The following OPCML variants were observed in gnomAD, a reference collection of about 807,000 sequenced individuals.
The protein encoded by OPCML is opioid-binding protein/cell adhesion molecule.
A neutral mutation model predicts 37.8 loss-of-function variants in OPCML; 13 were observed. The observed-to-expected ratio is 0.34, with a 90% CI of 0.22 to 0.55. OPCML has a LOEUF of 0.55. OPCML is among the 20% of genes least tolerant of loss of function. OPCML has a pLI of 0.91. For synonymous variants in OPCML, 176 were observed against 168.8 expected, an observed-to-expected ratio of 1.04 and a Z score of -0.33; for missense variants, 341 against 435.6, an observed-to-expected ratio of 0.78 and a Z score of 1.93.
intron 1 of OPCML, among the ~76,000 whole-genome samples, chr11:133,209,453 C>T (rs1351205042): frequency 6.6e-6 from 1 of 151,438 alleles, no homozygotes; most frequent in Non-Finnish European, 1.5e-5. Context: ...AGATATGGCA[C>T]ACCCATCCAA....
chr11:132,452,322 G>A (rs1471619727), intron 4 of OPCML, among the ~76,000 whole-genome samples: 1 of 152,128 alleles, frequency 6.6e-6, no homozygotes, highest in Non-Finnish European at 1.5e-5. Flanking sequence ...GGGGGAGGAT[G>A]AAAGGTCCAA....
Position 132,474,410 on chromosome 11 carries a change from G to A in OPCML, c.506-37051C>T, listed in dbSNP as rs576629896. On this transcript the variant is annotated intron_variant, in intron 4 of 7. Coordinates refer to ENST00000524381, the MANE Select transcript of OPCML (RefSeq NM_001012393.5). ...AAAAGAGCCCAGGGGATATGGAAAA[G>A]CAGGAAGATGAAACAATAGGCATTT... is the stretch of plus-strand genomic sequence containing the variant. Among the ~76,000 whole-genome samples the A allele has an allele frequency of 6.6e-5, 10 of 152,292 alleles. No homozygotes were observed. The South Asian group carries it at 2.1e-3, about 32-fold the overall frequency.
intron 1 of OPCML, among the ~76,000 whole-genome samples, chr11:133,468,906 T>C (rs1259410541): frequency 6.6e-6 from 1 of 152,130 alleles, no homozygotes; most frequent in Non-Finnish European, 1.5e-5. Context: ...AAAACAATTA[T>C]TGATAATCAG....
At chr11:132,633,659 T>C (rs1940295377) in intron 3 of OPCML, among the ~76,000 whole-genome samples, 1 of 152,092 alleles carries the variant, frequency 6.6e-6, no homozygotes, top group African/African-American at 2.4e-5. Context: ...ACCTCCTGAT[T>C]TATCCTTCCA....
At chr11:132,582,846 G>GTTTTT (rs386375310) in intron 3 of OPCML, among the ~76,000 whole-genome samples, 5 of 43,710 alleles carry the variant, frequency 1.1e-4, no homozygotes, top group Non-Finnish European at 1.8e-4. Context: ...TTTGTTTAAG[G>GTTTTT]TTTTTTTTTT....
chr11:132,587,131 G>A (rs1163246361), intron 3 of OPCML, among the ~76,000 whole-genome samples: 2 of 152,202 alleles, frequency 1.3e-5, no homozygotes, highest in Non-Finnish European at 2.9e-5. Context: ...CAGACTTGAT[G>A]ATACTGGAGC....
chr11:132,642,432 A>G (rs571069026), intron 3 of OPCML, among the ~76,000 whole-genome samples: 2 of 151,324 alleles, frequency 1.3e-5, no homozygotes, highest in East Asian at 3.9e-4. Context: ...GGTATCACAC[A>G]TAAACACACA....
chr11:132,930,156 G>C (rs1945150413), intron 2 of OPCML, among the ~76,000 whole-genome samples: 2 of 152,092 alleles, frequency 1.3e-5, no homozygotes, highest in South Asian at 4.1e-4. Context: ...TTGAGCCCAG[G>C]AGTTTGAGAC....
At chr11:133,022,315 C>T (rs1251583983) in intron 1 of OPCML, among the ~76,000 whole-genome samples, 1 of 152,198 alleles carries the variant, frequency 6.6e-6, no homozygotes, top group African/African-American at 2.4e-5. Context: ...TTCTTTCCCA[C>T]TCATGCCTTT....
intron 1 of OPCML, among the ~76,000 whole-genome samples, chr11:133,354,274 G>T (rs1305452308): frequency 1.1e-5 from 1 of 90,748 alleles, no homozygotes; most frequent in Non-Finnish European, 2.5e-5. Flanking sequence ...GGTAGTGGTG[G>T]TGATAGTGAT....
chr11:132,928,441 A>G (rs552677957), intron 2 of OPCML, among the ~76,000 whole-genome samples: 53 of 152,062 alleles, frequency 3.5e-4, no homozygotes, highest in South Asian at 8.3e-4. Flanking sequence ...AAATAAACAT[A>G]TATACTAAAT....
At chr11:132,954,089 C>T (rs1364906626) in intron 1 of OPCML, among the ~76,000 whole-genome samples, 1 of 152,094 alleles carries the variant, frequency 6.6e-6, no homozygotes, top group South Asian at 2.1e-4. Context: ...ATTTTGTTAA[C>T]TAATTCACTA....
At chr11:133,153,350 A>T (rs1301243576) in intron 1 of OPCML, among the ~76,000 whole-genome samples, 1 of 152,216 alleles carries the variant, frequency 6.6e-6, no homozygotes, top group Non-Finnish European at 1.5e-5. Flanking sequence ...CAGGAGAGCG[A>T]GTCCTCCAGA....
chr11:132,502,666 C>T lies in OPCML; in HGVS notation c.505+26395G>A, dbSNP rs574617626. On this transcript the variant is annotated intron_variant, in intron 4 of 7. Coordinates refer to ENST00000524381, the MANE Select transcript of OPCML (RefSeq NM_001012393.5). Reference sequence around the variant, plus strand: ...ATGCCACTGACTCACACTTAATATGCAAATTTTTAGCCCTTCCATTGTTAA... The same window carrying T: ...ATGCCACTGACTCACACTTAATATGTAAATTTTTAGCCCTTCCATTGTTAA... 3.3e-5 allele frequency among the ~76,000 whole-genome samples: 5 copies of T among 152,262 alleles called. No individual in the cohort carries two copies. In the South Asian group the frequency reaches 8.3e-4, roughly 25 times the overall value.
intron 1 of OPCML, among the ~76,000 whole-genome samples, chr11:133,103,098 A>T (rs973735718): frequency 2.4e-4 from 36 of 152,378 alleles, no homozygotes; most frequent in African/African-American, 8.4e-4. Flanking sequence ...AATTAATACC[A>T]AAACCACAAC....
chr11:132,895,615 G>A (rs1054369474), intron 2 of OPCML, among the ~76,000 whole-genome samples: 1 of 152,224 alleles, frequency 6.6e-6, no homozygotes, highest in Non-Finnish European at 1.5e-5. Flanking sequence ...GGGCTCTGAT[G>A]AGGCTGGAGA....
chr11:133,268,494 G>C (rs1056516089), intron 1 of OPCML, among the ~76,000 whole-genome samples: 1 of 152,132 alleles, frequency 6.6e-6, no homozygotes, highest in Non-Finnish European at 1.5e-5. Flanking sequence ...AACACCATGT[G>C]AGCTGATAAT....
At chr11:132,576,086 T>C (rs80282155) in intron 3 of OPCML, among the ~76,000 whole-genome samples, 13,439 of 152,092 alleles carry the variant, frequency 0.088, 1,238 homozygotes, top group African/African-American at 0.22. Flanking sequence ...TTCAAAACTA[T>C]TTGTCTTTGA....
chr11:133,051,058 TACAC>T (rs113538759), intron 1 of OPCML, among the ~76,000 whole-genome samples: 94 of 148,094 alleles, frequency 6.3e-4, no homozygotes, highest in Middle Eastern at 3.6e-3. Context: ...TGTGTGTACA[TACAC>T]ACACACACAC....
Sources: allele counts gnomAD v4.1 joint callset (sites outside exome capture counted in the v4.1 genomes callset), GRCh38; gene constraint gnomAD v4.1.1; transcripts MANE v1.5; gene names NCBI Gene and HGNC (gene_info 2026-07-23, HGNC 2026-07-21).